PREX2: variants seen among roughly 807,000 people sequenced by gnomAD.
PREX2 encodes the protein phosphatidylinositol 3,4,5-trisphosphate-dependent Rac exchanger 2 protein.
PREX2 carries 107 observed loss-of-function variants against 203.2 expected under a neutral mutation model. The ratio of observed to expected loss-of-function variants is 0.53; its 90% CI spans 0.45 to 0.62. The LOEUF is 0.62. Among genes scored for constraint, PREX2 ranks in the 20% least tolerant of loss-of-function variants. The pLI, the probability that PREX2 is intolerant of heterozygous loss-of-function variation, is 0.00. For missense variants in PREX2, 1,777 were observed against 1,955.9 expected, an observed-to-expected ratio of 0.91 and a Z score of 1.72; for synonymous variants, 672 against 663.6, an observed-to-expected ratio of 1.01 and a Z score of -0.19.
At chr8:68,095,634 TTCCA>T (rs1262261445) in intron 21 of PREX2, among the ~76,000 whole-genome samples, 98 of 125,082 alleles carry the variant, frequency 7.8e-4, no homozygotes, top group Non-Finnish European at 7.7e-4. Context: ...TTCCTTTCCT[TTCCA>T]TTTTTTTTTT....
At chr8:68,150,615 A>G (rs1811414190) in intron 34 of PREX2, among the ~76,000 whole-genome samples, 1 of 152,290 alleles carries the variant, frequency 6.6e-6, no homozygotes, top group East Asian at 1.9e-4. Flanking sequence ...CAATAGCCCT[A>G]CCTGCTTCTG....
chr8:68,129,127 A>G (rs987518826), intron 31 of PREX2, among the ~76,000 whole-genome samples: 1 of 152,206 alleles, frequency 6.6e-6, no homozygotes, highest in African/African-American at 2.4e-5. Context: ...ATTCTGGCAG[A>G]TTAATAATAA....
chr8:68,055,173 C>T (rs1032647007), intron 9 of PREX2, among the ~76,000 whole-genome samples: 10 of 152,182 alleles, frequency 6.6e-5, no homozygotes, highest in Admixed American at 5.9e-4. Flanking sequence ...CCTTTCTCCT[C>T]CCACTGGTTA....
chr8:68,069,027 T>A lies in PREX2; in HGVS notation c.1340-6T>A, dbSNP rs552383019. 11 of 1,243,622 alleles carry A rather than the reference T, an allele frequency of 8.8e-6. No homozygotes were observed. In the African/African-American group the frequency reaches 1.4e-4, roughly 16 times the overall value. The allele number at this position is 1,243,622 out of a possible 1,614,324, so 77.0% of individuals were successfully genotyped here. On this transcript the variant is annotated splice_region_variant and splice_polypyrimidine_tract_variant and intron_variant, in intron 11 of 39. Transcript: ENST00000288368. ...TTATTTTAATATAGTATTTCTATGT[T>A]CTTAGTTACTGATAAACATCAATTC...
chr8:68,139,508 A>G (rs1053530108), intron 33 of PREX2, among the ~76,000 whole-genome samples: 1 of 152,242 alleles, frequency 6.6e-6, no homozygotes, highest in East Asian at 1.9e-4. Context: ...TTGCTTCCTA[A>G]CCATGACATT....
chr8:68,086,579 C>T (rs1809699385), intron 18 of PREX2, among the ~76,000 whole-genome samples: 1 of 152,074 alleles, frequency 6.6e-6, no homozygotes, highest in Non-Finnish European at 1.5e-5. Context: ...CGATATCATA[C>T]TTGTATTGTT....
chr8:67,962,516 AG>A (rs1380221449), intron 1 of PREX2, among the ~76,000 whole-genome samples: 1 of 151,892 alleles, frequency 6.6e-6, no homozygotes, highest in Non-Finnish European at 1.5e-5. Context: ...ATGTGGATGA[AG>A]GGGGCTTTCA....
At chr8:68,194,059 G>A (rs962318708) in intron 37 of PREX2, among the ~76,000 whole-genome samples, 3 of 152,178 alleles carry the variant, frequency 2.0e-5, no homozygotes, top group Non-Finnish European at 4.4e-5. Context: ...AATATCATCT[G>A]TATCTGAGTG....
chr8:68,100,158 T>C (rs941529238), intron 23 of PREX2: 1 of 497,252 alleles, frequency 2.0e-6, no homozygotes, highest in Non-Finnish European at 4.0e-6. Flanking sequence ...GAAGTCAAAA[T>C]TTAAAATTAT....
At chr8:68,163,867 A>G (rs1217588985) in intron 35 of PREX2, among the ~76,000 whole-genome samples, 1 of 152,186 alleles carries the variant, frequency 6.6e-6, no homozygotes, top group East Asian at 1.9e-4. Flanking sequence ...ATTGTAAACA[A>G]TAGCCCTCAG....
intron 35 of PREX2, among the ~76,000 whole-genome samples, chr8:68,187,551 C>T (rs984952410): frequency 6.6e-6 from 1 of 152,220 alleles, no homozygotes; most frequent in East Asian, 1.9e-4. Flanking sequence ...CTATGTCAGG[C>T]AATTCTAATA....
intron 37 of PREX2, among the ~76,000 whole-genome samples, chr8:68,204,638 T>C (rs1812573367): frequency 7.2e-5 from 11 of 151,764 alleles, no homozygotes; most frequent in Admixed American, 7.2e-4. Flanking sequence ...ACTTTCTGCC[T>C]GCTTTCCCTC....
intron 23 of PREX2, chr8:68,105,457 T>C (rs560911451): frequency 6.3e-5 from 74 of 1,175,106 alleles, no homozygotes; most frequent in Non-Finnish European, 7.7e-5. Context: ...CACAGGCATT[T>C]GTATTGAGCT....
chr8:68,212,878 C>A (rs1174069999), intron 37 of PREX2, among the ~76,000 whole-genome samples: 1 of 152,148 alleles, frequency 6.6e-6, no homozygotes. Flanking sequence ...CTCTAAGTTT[C>A]TTTAGCATAT....
At chr8:68,009,784 G>T (rs996370168) in intron 1 of PREX2, among the ~76,000 whole-genome samples, 1 of 152,118 alleles carries the variant, frequency 6.6e-6, no homozygotes, top group African/African-American at 2.4e-5. Context: ...CTAGTCTTAT[G>T]AATTGTTTTT....
intron 1 of PREX2, among the ~76,000 whole-genome samples, chr8:68,006,521 C>A (rs1807099159): frequency 6.6e-6 from 1 of 152,118 alleles, no homozygotes; most frequent in African/African-American, 2.4e-5. Context: ...ACCTTTAGAC[C>A]AGTGATCAGC....
rs572209944 is a variant in PREX2 at position 68,066,428 on chromosome 8, A to G, written c.1340-2605A>G. Among the ~76,000 whole-genome samples, 5 of 152,228 alleles carry G rather than the reference A, an allele frequency of 3.3e-5. No homozygotes were observed. In the East Asian group the frequency reaches 9.7e-4, roughly 29 times the overall value. ...GCCATCCTAAGAGGTGTGAGATTATATCTGATTATAGTTTCGATTTGCATT... is the reference window on the plus strand; with the variant it reads ...GCCATCCTAAGAGGTGTGAGATTATGTCTGATTATAGTTTCGATTTGCATT... On this transcript the variant is annotated intron_variant, in intron 11 of 39. Coordinates refer to ENST00000288368, the MANE Select transcript of PREX2 (RefSeq NM_024870.4).
At position 68,200,607 on chromosome 8, in the gene PREX2, TC is replaced by T. The variant is rs200631081; in HGVS notation, c.4604+8083del. 4.4e-3 allele frequency among the ~76,000 whole-genome samples: 623 copies of T among 140,722 alleles called. 2 individuals carry two copies. The highest frequency in any genetic ancestry group is 0.016 in the African/African-American group (600 of 36,790). 92.3% of individuals were successfully genotyped at this position (140,722 alleles called of 152,430 possible). ...CATATTTGCATGTGATATCATTGTC[TC>T]TTTTTTTTTTGCTTGATTAATATGT... is the stretch of plus-strand genomic sequence containing the variant. On this transcript the variant is annotated intron_variant, in intron 37 of 39. Transcript: ENST00000288368.
chr8:68,125,725 T>G (rs1345543092), intron 30 of PREX2, among the ~76,000 whole-genome samples: 2 of 152,140 alleles, frequency 1.3e-5, no homozygotes, highest in African/African-American at 4.8e-5. Context: ...CAACTTTCTG[T>G]TCCCTATAAA....
Sources: allele counts gnomAD v4.1 joint callset (sites outside exome capture counted in the v4.1 genomes callset), GRCh38; gene constraint gnomAD v4.1.1; transcripts MANE v1.5; gene names NCBI Gene and HGNC (gene_info 2026-07-23, HGNC 2026-07-21).